GUCY1A1: variants seen among roughly 807,000 people sequenced by gnomAD.
The protein encoded by GUCY1A1 is guanylate cyclase 1 soluble subunit alpha 1, also known as guanylate cyclase soluble subunit alpha-1.
Under a neutral mutation model 64.5 loss-of-function variants are expected in GUCY1A1, and 48 were observed. That is an observed-to-expected ratio of 0.74 (90% CI 0.59 to 0.95). The LOEUF is 0.95. Ranked by LOEUF, GUCY1A1 falls within the 40% of genes least tolerant of loss-of-function variation. GUCY1A1 has a pLI of 0.00. For synonymous variants in GUCY1A1, 308 were observed against 303.4 expected (o/e 1.02, Z -0.16); for missense variants, 804 against 825.3 (o/e 0.97, Z 0.32).
intron 2 of GUCY1A1, among the ~76,000 whole-genome samples, chr4:155,676,154 TAAA>T (rs1734887764): frequency 6.7e-6 from 1 of 150,234 alleles, no homozygotes. Flanking sequence ...CTTTTTAAAG[TAAA>T]GAGAAAAAGG....
At chr4:155,719,644 A>G (rs376944498) in intron 8 of GUCY1A1, among the ~76,000 whole-genome samples, 6 of 152,248 alleles carry the variant, frequency 3.9e-5, no homozygotes, top group African/African-American at 1.2e-4. Flanking sequence ...TCATTCATCT[A>G]TTCATTTATT....
At chr4:155,720,097 A>G (rs1733762922) in intron 8 of GUCY1A1, among the ~76,000 whole-genome samples, 1 of 152,128 alleles carries the variant, frequency 6.6e-6, no homozygotes, top group African/African-American at 2.4e-5. Flanking sequence ...ACGGCATGGA[A>G]GGACTAGGAG....
At chr4:155,718,574 A>G (rs1191721784) in intron 8 of GUCY1A1, among the ~76,000 whole-genome samples, 1 of 152,180 alleles carries the variant, frequency 6.6e-6, no homozygotes, top group South Asian at 2.1e-4. Flanking sequence ...TGGGATTGCA[A>G]CGATTGAAGC....
At chr4:155,720,104 G>A (rs1445503170) in intron 8 of GUCY1A1, among the ~76,000 whole-genome samples, 1 of 152,114 alleles carries the variant, frequency 6.6e-6, no homozygotes, top group African/African-American at 2.4e-5. Flanking sequence ...GGAAGGACTA[G>A]GAGGGACACT....
intron 2 of GUCY1A1, among the ~76,000 whole-genome samples, chr4:155,682,481 C>T (rs181063065): frequency 1.3e-5 from 2 of 152,134 alleles, no homozygotes. Context: ...TCGAGCCTGA[C>T]CAACATGGTG....
chr4:155,691,545 T>C (rs1052565613), intron 2 of GUCY1A1, among the ~76,000 whole-genome samples: 13 of 152,216 alleles, frequency 8.5e-5, no homozygotes, highest in African/African-American at 3.1e-4. Context: ...TGTACTGAAG[T>C]ATACAAACTT....
intron 2 of GUCY1A1, among the ~76,000 whole-genome samples, chr4:155,685,468 T>C (rs1728854947): frequency 6.6e-6 from 1 of 152,316 alleles, no homozygotes; most frequent in East Asian, 1.9e-4. Flanking sequence ...ATAATGCTCA[T>C]GTATCACTGA....
At chr4:155,676,934 T>C (rs984181504) in intron 2 of GUCY1A1, among the ~76,000 whole-genome samples, 3 of 151,542 alleles carry the variant, frequency 2.0e-5, no homozygotes, top group Non-Finnish European at 1.5e-5. Context: ...TGTTTACCAA[T>C]GTACTGTACA....
rs115242176 is a variant in GUCY1A1, at chr4:155,706,625, T to C, written c.318-1611T>C. The stretch of plus-strand genomic sequence containing the variant: ...AGTTTCTTTTTCTGGGATCTTTTGA[T>C]CACATCATTATATGTATGAACTCAT... On this transcript the variant is annotated intron_variant, in intron 4 of 9. Coordinates refer to ENST00000506455, the MANE Select transcript of GUCY1A1 (RefSeq NM_001130682.3). Among the ~76,000 whole-genome samples the C allele has an allele frequency of 1.7e-3, 264 of 152,222 alleles. 1 individual carries two copies. Among genetic ancestry groups the C allele is most frequent in the African/African-American group, 5.9e-3 (246 of 41,528 alleles).
At chr4:155,701,486 C>T (rs1010058576) in intron 3 of GUCY1A1, among the ~76,000 whole-genome samples, 1 of 151,948 alleles carries the variant, frequency 6.6e-6, no homozygotes, top group Admixed American at 6.6e-5. Flanking sequence ...AAATGAAAGA[C>T]AAATAAACAT....
chr4:155,682,823 T>C (rs1028099184), intron 2 of GUCY1A1, among the ~76,000 whole-genome samples: 9 of 152,144 alleles, frequency 5.9e-5, no homozygotes, highest in African/African-American at 1.9e-4. Flanking sequence ...GAATTATAAA[T>C]GGATCTACTG....
chr4:155,717,684 G>A (rs1281416092), intron 8 of GUCY1A1, among the ~76,000 whole-genome samples: 1 of 152,146 alleles, frequency 6.6e-6, no homozygotes, highest in Admixed American at 6.6e-5. Context: ...AAACTGCCAT[G>A]TTCAGAAAGC....
At chr4:155,698,773 T>C (rs2126756995) in intron 3 of GUCY1A1, among the ~76,000 whole-genome samples, 1 of 152,300 alleles carries the variant, frequency 6.6e-6, no homozygotes, top group Middle Eastern at 3.4e-3. Flanking sequence ...TTTTTGCCCT[T>C]CTGACTGAAT....
At chr4:155,715,842 C>G (rs2126893945) in intron 7 of GUCY1A1, among the ~76,000 whole-genome samples, 1 of 152,018 alleles carries the variant, frequency 6.6e-6, no homozygotes, top group Admixed American at 6.5e-5. Context: ...TTAGGGGAAA[C>G]AAAGACAATA....
At chr4:155,717,993 T>G (rs990778050) in intron 8 of GUCY1A1, among the ~76,000 whole-genome samples, 10 of 152,208 alleles carry the variant, frequency 6.6e-5, no homozygotes, top group Non-Finnish European at 1.0e-4. Flanking sequence ...GGATGTTGAC[T>G]GTTAATTCAC....
chr4:155,686,164 T>C (rs541769054), intron 2 of GUCY1A1, among the ~76,000 whole-genome samples: 3 of 152,056 alleles, frequency 2.0e-5, no homozygotes, highest in African/African-American at 7.2e-5. Flanking sequence ...CAAACTAACA[T>C]TGAGAAAGTA....
chr4:155,687,745 C>T lies in GUCY1A1; in HGVS notation c.-112-9011C>T, dbSNP rs375449396. ...TGTCGCAGAGTTAGCACATGGTAGA[C>T]GCAGGGAGCAAACACAGGCCATCTG... On this transcript the variant is annotated intron_variant, in intron 2 of 9. Coordinates refer to ENST00000506455, the MANE Select transcript of GUCY1A1 (RefSeq NM_001130682.3). Among the ~76,000 whole-genome samples, 14 of 152,228 alleles carry T rather than the reference C, an allele frequency of 9.2e-5. No individual in the cohort carries two copies. The East Asian group carries it at 1.9e-3, about 21-fold the overall frequency.
chr4:155,713,274 T>C lies in GUCY1A1; in HGVS notation c.1263T>C (p.Ala421=). 6.2e-7 allele frequency: 1 copy of C among 1,614,024 alleles called. No homozygotes were observed. The highest frequency in any genetic ancestry group is 8.5e-7 in the Non-Finnish European group (1 of 1,179,994). The change falls in exon 7 of 10, where the codon GCT becomes GCC. Residue 421 remains alanine, a synonymous_variant. Coordinates refer to ENST00000506455, the MANE Select transcript of GUCY1A1 (RefSeq NM_001130682.3). The stretch of plus-strand genomic sequence containing the variant: ...TCTTAATAGGGGAACAAGCCCGAGC[T>C]CAAGATGGCCTGAAGAAGAGGCTGG... ...DVVLIGEQAR[A]QDGLKKRLGK...
rs1291421236 is a variant in GUCY1A1, at chr4:155,669,176, T to G, written c.-113+1757T>G. On this transcript the variant is annotated intron_variant, in intron 2 of 9. Coordinates refer to ENST00000506455, the MANE Select transcript of GUCY1A1 (RefSeq NM_001130682.3). ...ACCAGATGTATGTATTTTAATGTATTAGGAAACAGGTCTGTGAACGTATTT... is the reference window on the plus strand; with the variant it reads ...ACCAGATGTATGTATTTTAATGTATGAGGAAACAGGTCTGTGAACGTATTT... Among the ~76,000 whole-genome samples the G allele has an allele frequency of 3.9e-5, 6 of 152,156 alleles. No individual in the cohort carries two copies. The East Asian group carries it at 1.2e-3, about 29-fold the overall frequency.
Sources: gnomAD v4.1 joint callset for allele counts (sites outside exome capture counted in the v4.1 genomes callset) on GRCh38, gnomAD v4.1.1 for gene constraint, MANE v1.5 for transcripts, NCBI Gene and HGNC (gene_info 2026-07-23, HGNC 2026-07-21) for gene names.